The following SHISAL2B variants were observed in gnomAD, a reference collection of about 807,000 sequenced individuals.
SHISAL2B encodes the protein shisa like 2B.
A neutral mutation model predicts 16.5 loss-of-function variants in SHISAL2B; 12 were observed. The ratio of observed to expected loss-of-function variants is 0.73; its 90% CI spans 0.47 to 1.18. SHISAL2B has a LOEUF of 1.18. Among genes scored for constraint, SHISAL2B ranks in the 50% most tolerant of loss-of-function variants. SHISAL2B has a pLI of 0.00. For synonymous variants in SHISAL2B, 72 were observed against 75.0 expected, an observed-to-expected ratio of 0.96 and a Z score of 0.21; for missense variants, 183 against 193.6, an observed-to-expected ratio of 0.95 and a Z score of 0.33.
chr5:64,709,756 A>C (rs1325979003), intron 2 of SHISAL2B, among the ~76,000 whole-genome samples: 1 of 151,112 alleles, frequency 6.6e-6, no homozygotes, highest in Non-Finnish European at 1.5e-5. Context: ...GGTATCTCAT[A>C]GTGGTTTTGA....
At chr5:64,709,788 GTGA>G (rs1741932261) in intron 2 of SHISAL2B, among the ~76,000 whole-genome samples, 1 of 152,062 alleles carries the variant, frequency 6.6e-6, no homozygotes. Context: ...CTGATGGCCA[GTGA>G]TGATGAGCAT....
chr5:64,712,367 C>A (rs1021546445), intron 2 of SHISAL2B, among the ~76,000 whole-genome samples: 7 of 152,104 alleles, frequency 4.6e-5, no homozygotes, highest in African/African-American at 1.7e-4. Context: ...GATTATTAAT[C>A]CTGAGTTCTA....
chr5:64,700,635 A>G (rs1042564471), intron 2 of SHISAL2B, among the ~76,000 whole-genome samples: 1 of 152,046 alleles, frequency 6.6e-6, no homozygotes, highest in Non-Finnish European at 1.5e-5. Context: ...CTGGTCTCAA[A>G]CTCATGACCT....
At chr5:64,691,681 A>G (rs976555763) in intron 1 of SHISAL2B, 4 of 152,284 alleles carry the variant, frequency 2.6e-5, no homozygotes, top group African/African-American at 7.2e-5. Flanking sequence ...ATTGATGTAG[A>G]CATTTTCATT....
In SHISAL2B at chr5:64,715,651, A is replaced by G. The variant is rs554645351; in HGVS notation, c.350-2238A>G. Among the ~76,000 whole-genome samples the G allele has an allele frequency of 2.0e-5, 3 of 152,336 alleles. No individual in the cohort carries two copies. In the South Asian group the frequency reaches 6.2e-4, roughly 32 times the overall value. On this transcript the variant is annotated intron_variant, in intron 2 of 2. Transcript: ENST00000389074. ...CCTAACCAAGTTTATGTGTGATCCT[A>G]AAGTGCTTTAGCAGACAGGCTGATA...
chr5:64,712,922 C>G (rs1239084110), intron 2 of SHISAL2B, among the ~76,000 whole-genome samples: 4 of 151,640 alleles, frequency 2.6e-5, no homozygotes, highest in Non-Finnish European at 5.9e-5. Context: ...TTATTTTGAG[C>G]CTATGTGTGT....
chr5:64,710,097 A>G (rs1293294129), intron 2 of SHISAL2B, among the ~76,000 whole-genome samples: 4 of 143,156 alleles, frequency 2.8e-5, no homozygotes, highest in African/African-American at 1.1e-4. Flanking sequence ...TGTTTTGGAC[A>G]TGAAGTCCTT....
At chr5:64,703,502 A>G (rs1741837142) in intron 2 of SHISAL2B, among the ~76,000 whole-genome samples, 1 of 152,200 alleles carries the variant, frequency 6.6e-6, no homozygotes, top group Non-Finnish European at 1.5e-5. Context: ...GCAGTTTTTG[A>G]CGTTATAATA....
Position 64,690,743 on chromosome 5 carries a change from C to A in SHISAL2B, c.120C>A (p.Ala40=). ...CGCTCCAGTATTGCTGCGGCTTCGC[C>A]GACCTCAAGTACTGCTGCAGCGAGC... The part of the protein sequence containing the change: ...GAALQYCCGF[A]DLKYCCSEPG... Residue 40 remains alanine (A), a synonymous_variant, in exon 1 of 3, where the codon GCC becomes GCA. Coordinates refer to ENST00000389074, the MANE Select transcript of SHISAL2B (RefSeq NM_001164442.2). 1 of 1,540,662 alleles carries A rather than the reference C, an allele frequency of 6.5e-7. No individual in the cohort carries two copies. The highest frequency in any genetic ancestry group is 8.7e-7 in the Non-Finnish European group (1 of 1,149,700).
rs909829457 is a variant in SHISAL2B, at chr5:64,714,620, T to C, written c.350-3269T>C. Reference sequence around the variant, plus strand: ...TTACCTAAGCAAGCCTGGGCAATGGTGGGCGCCCCTCCCCCAGCCTGGCTG... The same window carrying C: ...TTACCTAAGCAAGCCTGGGCAATGGCGGGCGCCCCTCCCCCAGCCTGGCTG... On this transcript the variant is annotated intron_variant, in intron 2 of 2. Coordinates refer to ENST00000389074, the MANE Select transcript of SHISAL2B (RefSeq NM_001164442.2). Among the ~76,000 whole-genome samples, 81 of 152,256 alleles carry C rather than the reference T, an allele frequency of 5.3e-4. 1 individual carries two copies. The highest frequency in any genetic ancestry group is 2.7e-3 in the East Asian group (14 of 5,168).
At chr5:64,695,063 G>A (rs1037814212) in intron 1 of SHISAL2B, among the ~76,000 whole-genome samples, 11 of 152,016 alleles carry the variant, frequency 7.2e-5, no homozygotes, top group Admixed American at 6.6e-5. Flanking sequence ...TCAGGAGTTC[G>A]AGACCATCCT....
chr5:64,707,244 T>TTTTA lies in SHISAL2B; in HGVS notation c.350-10625_350-10622dup, dbSNP rs200650652. ...AACTCAAGGAATCTCAGATAAGACT[T>TTTTA]TTTATTTATTTATTTATTTATTTTT... On this transcript the variant is annotated intron_variant, in intron 2 of 2. Transcript: ENST00000389074. Among the ~76,000 whole-genome samples the TTTTA allele has an allele frequency of 2.3e-3, 352 of 152,166 alleles. 1 individual carries two copies. Among genetic ancestry groups the TTTTA allele is most frequent in the Non-Finnish European group, 3.9e-3 (264 of 67,980 alleles).
At chr5:64,715,031 G>C (rs111731999) in intron 2 of SHISAL2B, among the ~76,000 whole-genome samples, 1,731 of 152,212 alleles carry the variant, frequency 0.011, 32 homozygotes, top group African/African-American at 0.039. Flanking sequence ...GCTGTAGACC[G>C]GAGCTGTTAC....
At chr5:64,691,159 A>G (rs1182631085) in intron 1 of SHISAL2B, 4 of 270,514 alleles carry the variant, frequency 1.5e-5, no homozygotes, top group Non-Finnish European at 2.8e-5. Context: ...GACCAGTCCC[A>G]GGCTGATAGC....
chr5:64,717,729 C>A (rs1255234802), intron 2 of SHISAL2B, among the ~76,000 whole-genome samples, 160 bp from the exon 3 acceptor site: 2 of 152,134 alleles, frequency 1.3e-5, no homozygotes, highest in Non-Finnish European at 2.9e-5. Flanking sequence ...AGGAAATACT[C>A]AAAAACCACT....
At chr5:64,709,861 C>T (rs1184968230) in intron 2 of SHISAL2B, among the ~76,000 whole-genome samples, 2 of 152,102 alleles carry the variant, frequency 1.3e-5, no homozygotes, top group African/African-American at 4.8e-5. Flanking sequence ...CTGTTCATGT[C>T]CTTCGCCCAC....
At chr5:64,705,265 A>G (rs1741859934) in intron 2 of SHISAL2B, among the ~76,000 whole-genome samples, 1 of 152,218 alleles carries the variant, frequency 6.6e-6, no homozygotes, top group Non-Finnish European at 1.5e-5. Context: ...CCAGAGAAAT[A>G]TATAATGGAA....
Position 64,695,564 on chromosome 5 carries a change from C to T in SHISAL2B, c.249C>T (p.Ile83=). ...IAALVLLAFV[I]SVCVLCYLFL... ...CCCTTGTTTTACTCGCCTTTGTCAT[C>T]AGTGTCTGTGTCCTTTGCTATTTAT... Residue 83 remains isoleucine, a synonymous_variant, in exon 2 of 3, where the codon ATC becomes ATT. Transcript: ENST00000389074. 6.5e-7 allele frequency: 1 copy of T among 1,536,742 alleles called. No individual in the cohort carries two copies. Among genetic ancestry groups the T allele is most frequent in the East Asian group, 2.4e-5 (1 of 40,886 alleles).
At chr5:64,700,254 C>T (rs1286970540) in intron 2 of SHISAL2B, among the ~76,000 whole-genome samples, 3 of 152,138 alleles carry the variant, frequency 2.0e-5, no homozygotes, top group African/African-American at 4.8e-5. Context: ...TCAAACTTTT[C>T]CACCAGAGAA....
Sources: gnomAD v4.1 joint callset for allele counts (sites outside exome capture counted in the v4.1 genomes callset) on GRCh38, gnomAD v4.1.1 for gene constraint, MANE v1.5 for transcripts, NCBI Gene and HGNC (gene_info 2026-07-23, HGNC 2026-07-21) for gene names.